Variants in CDC73 observed in about 807,000 individuals in gnomAD.
CDC73 encodes the protein parafibromin.
A neutral mutation model predicts 83.7 loss-of-function variants in CDC73; 21 were observed. That is an observed-to-expected ratio of 0.25 (90% confidence interval 0.18 to 0.36). The LOEUF is 0.36. Ranked by LOEUF, CDC73 falls within the 10% of genes least tolerant of loss-of-function variation. The pLI is 1.00. For synonymous variants in CDC73, 224 were observed against 212.9 expected (o/e 1.05, Z -0.45); for missense variants, 342 against 653.3 (o/e 0.52, Z 5.19).
intron 11 of CDC73, among the ~76,000 whole-genome samples, chr1:193,204,200 TATAC>T (rs1677140220): frequency 1.4e-5 from 1 of 71,014 alleles, no homozygotes; most frequent in African/African-American, 5.2e-5. Flanking sequence ...CACACATATA[TATAC>T]GTGTATATAT....
chr1:193,228,992 A>G (rs745916445), intron 13 of CDC73, among the ~76,000 whole-genome samples: 2 of 152,186 alleles, frequency 1.3e-5, no homozygotes, highest in African/African-American at 4.8e-5. Flanking sequence ...ACAAATGGCC[A>G]ATCAGCGCAT....
chr1:193,125,282 A>C, intron 2 of CDC73, 65 bp downstream of exon 2: 1 of 1,051,670 alleles, frequency 9.5e-7, no homozygotes, highest in Non-Finnish European at 1.5e-6. Context: ...TTTAAGAGAC[A>C]GGGTCTGGCC....
In CDC73 at chr1:193,176,144, C is replaced by T. The variant is rs560886800; in HGVS notation, c.972+23700C>T. Among the ~76,000 whole-genome samples, 16 of 152,262 alleles carry T rather than the reference C, an allele frequency of 1.1e-4. No individual in the cohort carries two copies. The East Asian group carries it at 2.9e-3, about 28-fold the overall frequency. On this transcript the variant is annotated intron_variant, in intron 10 of 16. Transcript: ENST00000367435. ...TTCTTTGTTCATTAATTTCTAGGCTCAGACAACATTTTGCATTGTATCAGG... is the reference window on the plus strand; with the variant it reads ...TTCTTTGTTCATTAATTTCTAGGCTTAGACAACATTTTGCATTGTATCAGG...
chr1:193,234,892 CAG>C (rs775010387), intron 14 of CDC73, among the ~76,000 whole-genome samples: 20 of 81,652 alleles, frequency 2.4e-4, no homozygotes, highest in African/African-American at 9.6e-4. Flanking sequence ...ATTTTAGTCT[CAG>C]AGATTTTTTT....
intron 7 of CDC73, among the ~76,000 whole-genome samples, chr1:193,145,994 T>C (rs1232380370): frequency 2.0e-5 from 3 of 152,094 alleles, no homozygotes; most frequent in Non-Finnish European, 4.4e-5. Flanking sequence ...GCAGTTAACT[T>C]AGTTGAGAGT....
intron 10 of CDC73, among the ~76,000 whole-genome samples, chr1:193,154,021 T>C (rs751378341): frequency 6.6e-6 from 1 of 152,208 alleles, no homozygotes; most frequent in Non-Finnish European, 1.5e-5. Context: ...ACTCCCATCT[T>C]ATGCGATCTG....
intron 11 of CDC73, among the ~76,000 whole-genome samples, chr1:193,205,912 A>G (rs143008901): frequency 9.9e-5 from 15 of 152,168 alleles, no homozygotes; most frequent in African/African-American, 3.6e-4. Context: ...CAGATAAGAG[A>G]ATTGTTTGTT....
At chr1:193,143,173 T>G (rs924648530) in intron 7 of CDC73, among the ~76,000 whole-genome samples, 10 of 152,212 alleles carry the variant, frequency 6.6e-5, no homozygotes, top group Admixed American at 1.3e-4. Flanking sequence ...GTACTTTGAC[T>G]TTGTTTTACA....
intron 5 of CDC73, 96 bp downstream of exon 5, chr1:193,135,685 G>T: frequency 9.8e-7 from 1 of 1,023,886 alleles, no homozygotes. Context: ...AACCTGAGGA[G>T]CTTTTTTTCT....
intron 6 of CDC73, among the ~76,000 whole-genome samples, chr1:193,139,778 G>A (rs1272639578): frequency 1.3e-5 from 2 of 152,058 alleles, no homozygotes; most frequent in African/African-American, 2.4e-5. Context: ...CTGAACATTG[G>A]TCAGCTAGGG....
chr1:193,237,276 A>G (rs1379288694), intron 15 of CDC73, among the ~76,000 whole-genome samples: 4 of 152,026 alleles, frequency 2.6e-5, no homozygotes, highest in African/African-American at 9.7e-5. Flanking sequence ...CTTAGAAAAT[A>G]CCCAAGCTTG....
At chr1:193,217,849 T>G (rs1677397294) in intron 13 of CDC73, among the ~76,000 whole-genome samples, 1 of 152,064 alleles carries the variant, frequency 6.6e-6, no homozygotes, top group African/African-American at 2.4e-5. Context: ...TCCATATCAT[T>G]TAAAGGGACC....
At chr1:193,198,093 T>C (rs922269808) in intron 10 of CDC73, among the ~76,000 whole-genome samples, 1 of 152,202 alleles carries the variant, frequency 6.6e-6, no homozygotes, top group African/African-American at 2.4e-5. Flanking sequence ...TATATTTGTT[T>C]TAATTAGTCA....
chr1:193,183,662 AAAT>A (rs1676756937), intron 10 of CDC73, among the ~76,000 whole-genome samples: 1 of 151,702 alleles, frequency 6.6e-6, no homozygotes, highest in African/African-American at 2.4e-5. Context: ...CATATTTGGT[AAAT>A]AATAATGACT....
intron 13 of CDC73, among the ~76,000 whole-genome samples, chr1:193,221,743 C>T (rs568320096): frequency 3.3e-5 from 5 of 152,280 alleles, no homozygotes; most frequent in African/African-American, 1.2e-4. Context: ...GACAATTAAA[C>T]AGACCACATT....
intron 3 of CDC73, among the ~76,000 whole-genome samples, chr1:193,133,892 A>G (rs1675739525): frequency 6.6e-6 from 1 of 151,748 alleles, no homozygotes; most frequent in Non-Finnish European, 1.5e-5. Context: ...GCAAATTTAA[A>G]CTATACGGAG....
rs1676563941 is a variant in CDC73, at chr1:193,174,054, A to G, written c.972+21610A>G. ...AAGAGATTAATGAAAATAAAATTGT[A>G]AATTTTTTTCCCATTACGTTTCTTC... On this transcript the variant is annotated intron_variant, in intron 10 of 16. Transcript: ENST00000367435. 7.2e-5 allele frequency among the ~76,000 whole-genome samples: 11 copies of G among 152,200 alleles called. No individual in the cohort carries two copies. The South Asian group carries it at 2.3e-3, about 32-fold the overall frequency.
At position 193,233,141 on chromosome 1, in the gene CDC73, A is replaced by G; in HGVS notation, c.1303A>G (p.Met435Val). The change falls in exon 14 of 17, where the codon ATG (methionine) becomes GTG (valine). Residue 435 changes from methionine (M) to valine (V), a missense_variant. By Grantham distance (21) the Met-to-Val change is conservative (BLOSUM62 1). This residue lies in a region of CDC73 where 239 missense variants were observed against 420.6 expected (regional missense o/e 0.57). Coordinates refer to ENST00000367435, the MANE Select transcript of CDC73 (RefSeq NM_024529.5). Reference sequence around the variant, plus strand: ...AGTAGTAGACCAGCCCCTTAAACTTATGCCTCAAGACTGGTAAGATAGTCT... The same window carrying G: ...AGTAGTAGACCAGCCCCTTAAACTTGTGCCTCAAGACTGGTAAGATAGTCT... ...YRVVDQPLKLMPQDWDRVVAV... is the reference protein window; with the variant it reads ...YRVVDQPLKLVPQDWDRVVAV... 6.2e-7 allele frequency: 1 copy of G among 1,612,284 alleles called. No homozygotes were observed. The highest frequency in any genetic ancestry group is 8.5e-7 in the Non-Finnish European group (1 of 1,178,450).
rs1266213109 is a variant in CDC73, at chr1:193,253,304, AG to A, written c.*2594del. ...AGTTCTCCAGGTAATTTGAATGTGC[AG>A]GAAGGATTCAGAATCACTGGTTTAA... is the stretch of plus-strand genomic sequence containing the variant. On this transcript the variant is annotated 3_prime_UTR_variant, in exon 17 of 17. Transcript: ENST00000367435. 4.3e-6 allele frequency: 1 copy of A among 232,364 alleles called. No homozygotes were observed. Among genetic ancestry groups the A allele is most frequent in the Non-Finnish European group, 8.5e-6 (1 of 117,574 alleles). 14.4% of individuals were successfully genotyped at this position (232,364 alleles called of 1,614,324 possible).
Sources: allele counts gnomAD v4.1 joint callset (sites outside exome capture counted in the v4.1 genomes callset), GRCh38; gene constraint gnomAD v4.1.1; regional missense constraint gnomAD v4.1.1; transcripts MANE v1.5; gene names NCBI Gene and HGNC (gene_info 2026-07-23, HGNC 2026-07-21).